FAT1: variants seen among roughly 807,000 people sequenced by gnomAD.
FAT1 encodes the protein FAT atypical cadherin 1.
In FAT1, 171 loss-of-function variants were observed where a neutral mutation model predicts 329.8. The observed-to-expected ratio is 0.52, with a 90% confidence interval of 0.46 to 0.59. The LOEUF is 0.59. FAT1 is among the 20% of genes least tolerant of loss of function. The probability of loss-of-function intolerance (pLI) is 0.00; values close to 1 mark genes in which losing one functional copy is unlikely to be tolerated. For synonymous variants in FAT1, 2,233 were observed against 2,228.6 expected (o/e 1.00, Z -0.06); for missense variants, 5,672 against 5,774.4 (o/e 0.98, Z 0.57).
intron 3 of FAT1, among the ~76,000 whole-genome samples, chr4:186,656,545 C>T (rs906683687): frequency 6.6e-6 from 1 of 152,226 alleles, no homozygotes; most frequent in African/African-American, 2.4e-5. Flanking sequence ...GCTACCCACA[C>T]ATACACATAC....
chr4:186,725,898 T>G (rs1005346052), upstream of FAT1, among the ~76,000 whole-genome samples: 2 of 151,530 alleles, frequency 1.3e-5, no homozygotes, highest in African/African-American at 4.9e-5. This position sits in a 1 kb window ranked among gnomAD's most constrained non-coding sequence, Gnocchi z 5.4. Context: ...TGGGCCCGGG[T>G]GGGTGGTCAG....
chr4:186,678,998 GGAATACTGGGCA>G (rs1179781075), intron 2 of FAT1, among the ~76,000 whole-genome samples: 1 of 152,134 alleles, frequency 6.6e-6, no homozygotes, highest in Non-Finnish European at 1.5e-5. Context: ...CATACTCGAT[GGAATACTGGGCA>G]GTCACAAAAA....
intron 2 of FAT1, among the ~76,000 whole-genome samples, chr4:186,683,095 T>C (rs1743301004): frequency 6.6e-6 from 1 of 152,134 alleles, no homozygotes; most frequent in African/African-American, 2.4e-5. Flanking sequence ...CCATACAAGC[T>C]TGTGTTTCAG....
chr4:186,639,500 C>T (rs1339013095), intron 4 of FAT1, among the ~76,000 whole-genome samples: 1 of 152,222 alleles, frequency 6.6e-6, no homozygotes, highest in Non-Finnish European at 1.5e-5. Context: ...CGGCCCATGA[C>T]AGTGGCTGTG....
chr4:186,639,299 T>C (rs1740985941), intron 4 of FAT1, among the ~76,000 whole-genome samples: 1 of 152,196 alleles, frequency 6.6e-6, no homozygotes, highest in African/African-American at 2.4e-5. Flanking sequence ...AAATTACCTC[T>C]AGTTAAAAAG....
chr4:186,706,965 C>T lies in FAT1; in HGVS notation c.2863G>A (p.Asp955Asn), dbSNP rs751933812. Residue 955 changes from aspartate (D) to asparagine (N), a missense_variant, in exon 2 of 27, where the codon GAT becomes AAT. By Grantham distance (23) the Asp-to-Asn change is conservative (BLOSUM62 1). This residue lies in a region of FAT1 where 3,966 missense variants were observed against 3,915.2 expected (regional missense o/e 1.01). Transcript: ENST00000441802. The stretch of plus-strand genomic sequence containing the variant: ...CTCACCTGACCAGACTGACCTAAAT[C>T]AGGATCGTGGGCTTCTAACCACATG... ...VIMWLEAHDP[D>N]LGQSGQVRYS... The T allele has an allele frequency of 6.2e-7, 1 of 1,614,040 alleles. No individual in the cohort carries two copies. Among genetic ancestry groups the T allele is most frequent in the Admixed American group, 1.7e-5 (1 of 60,020 alleles).
At chr4:186,606,320 C>T in intron 16 of FAT1, 107 bp from the exon 17 acceptor site, 1 of 1,176,362 alleles carries the variant, frequency 8.5e-7, no homozygotes, top group Non-Finnish European at 1.2e-6. Context: ...AGTGAGCTAC[C>T]ACTATCTGTT....
chr4:186,644,576 A>G (rs1741269430), intron 3 of FAT1, among the ~76,000 whole-genome samples: 1 of 152,200 alleles, frequency 6.6e-6, no homozygotes, highest in Admixed American at 6.5e-5. Flanking sequence ...AGTTTATGGC[A>G]CTTGAGGAAC....
rs769967304 is a variant in FAT1 at position 186,603,686 on chromosome 4, C to G, written c.10840G>C (p.Val3614Leu). The G allele has an allele frequency of 1.2e-6, 2 of 1,614,010 alleles. No homozygotes were observed. The highest frequency in any genetic ancestry group is 4.5e-5 in the East Asian group (2 of 44,878). ...KLDIGQYLLN[V>L]SVTDGKFTTV... Reference sequence around the variant, plus strand: ...GTGAACTTCCCATCTGTTACGCTGACATTGAGAAGGTATTGCCCTATGTCT... The same window carrying G: ...GTGAACTTCCCATCTGTTACGCTGAGATTGAGAAGGTATTGCCCTATGTCT... Residue 3614 changes from valine (V) to leucine (L), a missense_variant, in exon 19 of 27, where the codon GTC (valine) becomes CTC (leucine). Val to Leu is a conservative substitution (Grantham distance 32, BLOSUM62 1). Coordinates refer to ENST00000441802, the MANE Select transcript of FAT1 (RefSeq NM_005245.4).
rs138948513 is a variant in FAT1 at position 186,618,051 on chromosome 4, C to T, written c.8535G>A (p.Met2845Ile). 4,592 of 1,614,040 alleles carry T rather than the reference C, an allele frequency of 2.8e-3. 21 individuals carry two copies. Among genetic ancestry groups the T allele is most frequent in the Middle Eastern group, 3.8e-3 (23 of 6,062 alleles). Residue 2845 changes from methionine to isoleucine, a missense_variant, in exon 10 of 27, where the codon ATG becomes ATA. This residue lies in a region of FAT1 where 3,966 missense variants were observed against 3,915.2 expected (regional missense o/e 1.01). Coordinates refer to ENST00000441802, the MANE Select transcript of FAT1 (RefSeq NM_005245.4). ...DADSGTNGQV[M>I]YSLDQSQSVE... Reference sequence around the variant, plus strand: ...CACTTTGTGACTGATCCAGGCTATACATAACTTGGCCGTTGGTTCCTGAGT... The same window carrying T: ...CACTTTGTGACTGATCCAGGCTATATATAACTTGGCCGTTGGTTCCTGAGT...
rs779330001 is a variant in FAT1, at chr4:186,617,201, C to G, written c.8879G>C (p.Gly2960Ala). The change falls in exon 11 of 27, where the codon GGA becomes GCA. Residue 2960 changes from glycine (G) to alanine (A), a missense_variant and splice_region_variant. By Grantham distance (60) the Gly-to-Ala change is moderately conservative (BLOSUM62 0). This residue lies in a region of FAT1 where 3,966 missense variants were observed against 3,915.2 expected (regional missense o/e 1.01). Transcript: ENST00000441802. ...GGCAAACTGTCCTAAAGGATCCCCT[C>G]CTATTAAATCAATGGAGGAAGATAA... ...INRQVTYFITGGDPLGQFAVE... is the reference protein window; with the variant it reads ...INRQVTYFITAGDPLGQFAVE... The G allele has an allele frequency of 6.4e-7, 1 of 1,561,246 alleles. No individual in the cohort carries two copies. The highest frequency in any genetic ancestry group is 8.7e-7 in the Non-Finnish European group (1 of 1,154,442).
Position 186,709,210 on chromosome 4 carries a change from T to A in FAT1, c.618A>T (p.Leu206Phe). The A allele has an allele frequency of 1.2e-6, 2 of 1,613,992 alleles. No homozygotes were observed. Among genetic ancestry groups the A allele is most frequent in the Non-Finnish European group, 8.5e-7 (1 of 1,179,902 alleles). Residue 206 changes from leucine to phenylalanine, a missense_variant, in exon 2 of 27, where the codon TTA becomes TTT. Transcript: ENST00000441802. Reference protein sequence around the residue: ...AIHPTSGVIVLTGRLDYLETK... With the variant: ...AIHPTSGVIVFTGRLDYLETK... ...TCTCTAGGTAATCAAGTCTACCAGT[T>A]AACACTATCACACCACTGGTTGGGT... is the stretch of plus-strand genomic sequence containing the variant.
intron 15 of FAT1, 99 bp from the exon 16 acceptor site, chr4:186,609,419 T>C: frequency 7.1e-7 from 1 of 1,405,062 alleles, no homozygotes; most frequent in Non-Finnish European, 9.5e-7. Flanking sequence ...TTTCTTTTTG[T>C]TGTTGTTTTT....
intron 2 of FAT1, among the ~76,000 whole-genome samples, chr4:186,693,279 T>C (rs1235217366): frequency 6.6e-6 from 1 of 152,106 alleles, no homozygotes; most frequent in Non-Finnish European, 1.5e-5. Flanking sequence ...GGAAACGCAA[T>C]CGGGTAAAAG....
rs145300656 is a variant in FAT1, at chr4:186,603,594, C to A, written c.10932G>T (p.Ala3644=). ...VTQEMLNHTI[A]IRFANLTPEE... The stretch of plus-strand genomic sequence containing the variant: ...CCGGAGTGAGGTTGGCAAAGCGGAT[C>A]GCGATGGTGTGGTTCAACATCTCCT... Residue 3644 remains alanine, a synonymous_variant, in exon 19 of 27, where the codon GCG becomes GCT. Coordinates refer to ENST00000441802, the MANE Select transcript of FAT1 (RefSeq NM_005245.4). The A allele has an allele frequency of 2.5e-6, 4 of 1,613,990 alleles. No homozygotes were observed. Among genetic ancestry groups the A allele is most frequent in the Non-Finnish European group, 3.4e-6 (4 of 1,179,902 alleles).
At chr4:186,725,850 A>G (rs1335839625), upstream of FAT1, among the ~76,000 whole-genome samples, 1 of 152,178 alleles carries the variant, frequency 6.6e-6, no homozygotes. The surrounding 1 kb of genome is among the most constrained non-coding windows in gnomAD (Gnocchi z 5.4). Context: ...CTCTACATCC[A>G]GTCCACCCAA....
At chr4:186,719,788 C>A (rs1038002045) in intron 1 of FAT1, among the ~76,000 whole-genome samples, 1 of 152,230 alleles carries the variant, frequency 6.6e-6, no homozygotes, top group African/African-American at 2.4e-5. Context: ...TTCTCAATTT[C>A]TCAAAATGGT....
intron 9 of FAT1, among the ~76,000 whole-genome samples, chr4:186,625,381 T>C (rs1740251989): frequency 6.6e-6 from 1 of 152,222 alleles, no homozygotes; most frequent in Non-Finnish European, 1.5e-5. Flanking sequence ...TATTTGTGAC[T>C]AATGAACTCG....
chr4:186,672,711 C>T (rs1295756847), intron 2 of FAT1, among the ~76,000 whole-genome samples: 3 of 152,180 alleles, frequency 2.0e-5, no homozygotes, highest in Admixed American at 6.5e-5. Flanking sequence ...AAGCAACCTG[C>T]CAGAAGTCAC....
Sources: gnomAD v4.1 joint callset for allele counts (sites outside exome capture counted in the v4.1 genomes callset) on GRCh38, gnomAD v4.1.1 for gene constraint, gnomAD v4.1.1 regional missense constraint, Gnocchi (gnomAD v3.1) non-coding constraint, MANE v1.5 for transcripts, NCBI Gene and HGNC (gene_info 2026-07-23, HGNC 2026-07-21) for gene names.